Variants in NUGGC observed in about 807,000 individuals in gnomAD.
The protein encoded by NUGGC is nuclear GTPase SLIP-GC.
In NUGGC, 58 loss-of-function variants were observed where a neutral mutation model predicts 92.6. The ratio of observed to expected loss-of-function variants is 0.63; its 90% CI spans 0.51 to 0.78. The LOEUF (loss-of-function observed/expected upper bound fraction) is 0.78, where lower values mean the gene tolerates loss of function less well. NUGGC is among the 30% of genes least tolerant of loss of function. The pLI, the probability that NUGGC is intolerant of heterozygous loss-of-function variation, is 0.00. For synonymous variants in NUGGC, 376 were observed against 366.4 expected, an observed-to-expected ratio of 1.03 and a Z score of -0.30; for missense variants, 925 against 964.6, an observed-to-expected ratio of 0.96 and a Z score of 0.54.
At chr8:28,038,925 A>T (rs73669173) in intron 13 of NUGGC, among the ~76,000 whole-genome samples, 3,469 of 152,194 alleles carry the variant, frequency 0.023, 125 homozygotes, top group African/African-American at 0.079. Flanking sequence ...GGCTGTGAGG[A>T]TGGGATAAGG....
chr8:28,066,881 C>G (rs1470894552), intron 6 of NUGGC, among the ~76,000 whole-genome samples: 1 of 152,198 alleles, frequency 6.6e-6, no homozygotes, highest in Non-Finnish European at 1.5e-5. Flanking sequence ...CTGCTTTTCA[C>G]TTTCTCTGGA....
At chr8:28,029,199 G>A in intron 17 of NUGGC, 67 bp downstream of exon 17, 1 of 1,521,994 alleles carries the variant, frequency 6.6e-7, no homozygotes, top group Non-Finnish European at 8.9e-7. Flanking sequence ...TCCACCTTCT[G>A]CACTCGCTTC....
chr8:28,048,606 G>C (rs769390193), intron 10 of NUGGC, among the ~76,000 whole-genome samples: 1 of 152,102 alleles, frequency 6.6e-6, no homozygotes, highest in Non-Finnish European at 1.5e-5. Context: ...GTTCACACCT[G>C]TAATCCTAGC....
At chr8:28,083,531 C>T (rs1020677006) in intron 1 of NUGGC, among the ~76,000 whole-genome samples, 1 of 152,108 alleles carries the variant, frequency 6.6e-6, no homozygotes, top group Non-Finnish European at 1.5e-5. Context: ...TAGATAAAAA[C>T]CAAGAATCTG....
chr8:28,030,525 T>A lies in NUGGC; in HGVS notation c.1909-107A>T, dbSNP rs914296745. The A allele has an allele frequency of 2.5e-5, 17 of 676,900 alleles. No individual in the cohort carries two copies. In the African/African-American group the frequency reaches 2.8e-4, roughly 11 times the overall value. The allele number at this position is 676,900 out of a possible 1,614,324, so 41.9% of individuals were successfully genotyped here. A position where few individuals can be genotyped will look rare whatever the true frequency, so the allele number is the denominator to read the frequency against. ...TTCCCTCCACCTCCACCTTATATGA[T>A]GCCCAGTTGTTTGTCTGTCATCTCC... On this transcript the variant is annotated intron_variant, in intron 15 of 18. Transcript: ENST00000413272.
intron 7 of NUGGC, among the ~76,000 whole-genome samples, chr8:28,063,048 G>A (rs1406388433): frequency 1.3e-5 from 2 of 151,772 alleles, no homozygotes; most frequent in African/African-American, 2.4e-5. Flanking sequence ...CTCAAGTCAC[G>A]TGACTTCTAA....
chr8:28,069,592 T>A lies in NUGGC; in HGVS notation c.209A>T (p.Gln70Leu). The change falls in exon 4 of 19, where the codon CAG (glutamine) becomes CTG (leucine). Residue 70 changes from glutamine to leucine, a missense_variant. Transcript: ENST00000413272. ...GATGCTGTCATCCAGGAAGACAGAC[T>A]GAATAAGTTTCTGATAAGTGTTGCT... is the stretch of plus-strand genomic sequence containing the variant. The part of the protein sequence containing the change: ...VLSNTYQKLI[Q>L]SVFLDDSIPN... The A allele has an allele frequency of 3.1e-6, 5 of 1,611,968 alleles. No individual in the cohort carries two copies. The highest frequency in any genetic ancestry group is 4.2e-6 in the Non-Finnish European group (5 of 1,178,052).
intron 13 of NUGGC, among the ~76,000 whole-genome samples, chr8:28,040,373 C>T (rs1809661458): frequency 1.3e-5 from 2 of 152,142 alleles, no homozygotes; most frequent in African/African-American, 4.8e-5. Flanking sequence ...TCAACACTAC[C>T]AGATAGGTAG....
chr8:28,044,534 G>C (rs1809778171), intron 12 of NUGGC, among the ~76,000 whole-genome samples: 1 of 152,202 alleles, frequency 6.6e-6, no homozygotes, highest in Non-Finnish European at 1.5e-5. Context: ...CAATGTGGTT[G>C]GTTAGGCATA....
intron 1 of NUGGC, among the ~76,000 whole-genome samples, chr8:28,083,239 T>C (rs756088451): frequency 2.6e-5 from 4 of 152,170 alleles, no homozygotes; most frequent in Non-Finnish European, 5.9e-5. Context: ...TCCTAAATCA[T>C]GTTGACAATA....
chr8:28,073,005 A>T (rs1411191147), intron 2 of NUGGC, among the ~76,000 whole-genome samples: 2 of 140,870 alleles, frequency 1.4e-5, no homozygotes, highest in South Asian at 2.3e-4. Flanking sequence ...GACTGTTGAA[A>T]TTTTTTTTTT....
intron 10 of NUGGC, among the ~76,000 whole-genome samples, chr8:28,054,666 G>A (rs1445355111): frequency 6.6e-6 from 1 of 152,122 alleles, no homozygotes; most frequent in African/African-American, 2.4e-5. Context: ...GCCAAACACA[G>A]CAGCCTGTGT....
At chr8:28,055,262 T>C (rs1236743913) in intron 10 of NUGGC, among the ~76,000 whole-genome samples, 2 of 151,768 alleles carry the variant, frequency 1.3e-5, no homozygotes, top group South Asian at 2.1e-4. Context: ...CAAAAAATAA[T>C]AATAATAAAA....
chr8:28,059,845 A>C (rs1474659862), intron 8 of NUGGC, among the ~76,000 whole-genome samples: 1 of 152,118 alleles, frequency 6.6e-6, no homozygotes, highest in South Asian at 2.1e-4. Flanking sequence ...AACATGGCGA[A>C]ACCCCATCTC....
At chr8:28,073,686 G>A (rs916151392) in intron 2 of NUGGC, among the ~76,000 whole-genome samples, 2 of 152,108 alleles carry the variant, frequency 1.3e-5, no homozygotes, top group Non-Finnish European at 2.9e-5. Context: ...ACCCTTCCAG[G>A]AGCCGCTCCA....
intron 18 of NUGGC, among the ~76,000 whole-genome samples, chr8:28,026,552 G>A (rs1809265351): frequency 6.6e-6 from 1 of 152,170 alleles, no homozygotes; most frequent in South Asian, 2.1e-4. Context: ...GAGAGAGCAG[G>A]GCAGAGCTGT....
chr8:28,067,604 C>T lies in NUGGC; in HGVS notation c.621G>A (p.Gly207=), dbSNP rs376449998. Residue 207 remains glycine, a synonymous_variant, in exon 6 of 19, where the codon GGG becomes GGA. Transcript: ENST00000413272. The part of the protein sequence containing the change: ...TWKLQMIYGN[G]AESKNYEELL... ...ACTCCTCATAGTTCTTACTCTCTGC[C>T]CCATTTCCATAAATCATTTGTAGCT... 94 of 1,613,936 alleles carry T rather than the reference C, an allele frequency of 5.8e-5. No homozygotes were observed. In the African/African-American group the frequency reaches 1.1e-3, roughly 19 times the overall value.
At chr8:28,024,536 C>T (rs1809207159) in intron 18 of NUGGC, among the ~76,000 whole-genome samples, 1 of 152,224 alleles carries the variant, frequency 6.6e-6, no homozygotes, top group African/African-American at 2.4e-5. Context: ...TATCTATCCA[C>T]ACATCCTACT....
intron 16 of NUGGC, 73 bp from the exon 17 acceptor site, chr8:28,029,475 A>C: frequency 6.5e-7 from 1 of 1,546,580 alleles, no homozygotes; most frequent in Non-Finnish European, 8.8e-7. Flanking sequence ...ATGGCCGGGC[A>C]TGGTGGCTCA....
Sources: gnomAD v4.1 joint callset for allele counts (sites outside exome capture counted in the v4.1 genomes callset) on GRCh38, gnomAD v4.1.1 for gene constraint, MANE v1.5 for transcripts, NCBI Gene and HGNC (gene_info 2026-07-23, HGNC 2026-07-21) for gene names.